Variants in DOK6 observed in about 807,000 individuals in gnomAD.
DOK6 encodes the protein downstream of tyrosine kinase 6.
Under a neutral mutation model 44.0 loss-of-function variants are expected in DOK6, and 22 were observed. The observed-to-expected ratio is 0.50, with a 90% CI of 0.36 to 0.71. The LOEUF is 0.71. Ranked by LOEUF, DOK6 falls within the 30% of genes least tolerant of loss-of-function variation. DOK6 has a pLI of 0.00. For missense variants in DOK6, 340 were observed against 416.4 expected, an observed-to-expected ratio of 0.82 and a Z score of 1.60; for synonymous variants, 166 against 145.5, an observed-to-expected ratio of 1.14 and a Z score of -1.01.
chr18:69,759,591 A>G (rs1389280628), intron 7 of DOK6, among the ~76,000 whole-genome samples: 2 of 152,190 alleles, frequency 1.3e-5, no homozygotes, highest in Non-Finnish European at 2.9e-5. Context: ...CGTTTTCTGA[A>G]GACAGAGCTA....
intron 3 of DOK6, among the ~76,000 whole-genome samples, chr18:69,620,718 A>T (rs1400409927): frequency 6.6e-6 from 1 of 152,228 alleles, no homozygotes; most frequent in East Asian, 1.9e-4. Flanking sequence ...ATAATGAATA[A>T]TCGTAAGCAT....
At chr18:69,494,167 C>T (rs1980815686) in intron 1 of DOK6, among the ~76,000 whole-genome samples, 1 of 152,200 alleles carries the variant, frequency 6.6e-6, no homozygotes, top group African/African-American at 2.4e-5. Flanking sequence ...GTTAAACCCA[C>T]TTAAGATTTT....
At chr18:69,753,121 T>C (rs1979238772) in intron 6 of DOK6, among the ~76,000 whole-genome samples, 1 of 152,178 alleles carries the variant, frequency 6.6e-6, no homozygotes, top group Admixed American at 6.5e-5. Flanking sequence ...TTCAAAAGAA[T>C]CTTCTGAAGT....
At chr18:69,817,436 G>A (rs1301119262) in intron 7 of DOK6, among the ~76,000 whole-genome samples, 2 of 152,128 alleles carry the variant, frequency 1.3e-5, no homozygotes, top group Non-Finnish European at 2.9e-5. Flanking sequence ...CAGACTGGGT[G>A]GTGTAAACAA....
At chr18:69,736,207 G>C (rs144952123) in intron 5 of DOK6, among the ~76,000 whole-genome samples, 230 of 152,296 alleles carry the variant, frequency 1.5e-3, no homozygotes, top group African/African-American at 5.1e-3. Flanking sequence ...GTAGCTACTT[G>C]AAAATTATAT....
intron 1 of DOK6, among the ~76,000 whole-genome samples, chr18:69,405,598 A>G (rs934997385): frequency 1.7e-5 from 1 of 60,074 alleles, no homozygotes; most frequent in Non-Finnish European, 3.8e-5. Flanking sequence ...TAACTAAATA[A>G]AATAAAATAA....
At position 69,823,625 on chromosome 18, in the gene DOK6, T is replaced by TTGTGTGTGTGTG. The variant is rs72248499; in HGVS notation, c.857-17597_857-17586dup. Among the ~76,000 whole-genome samples, 752 of 146,856 alleles carry TTGTGTGTGTGTG rather than the reference T, an allele frequency of 5.1e-3. 6 individuals are homozygous for TTGTGTGTGTGTG. Among genetic ancestry groups the TTGTGTGTGTGTG allele is most frequent in the Non-Finnish European group, 8.2e-3 (543 of 66,456 alleles). On this transcript the variant is annotated intron_variant, in intron 7 of 7. Coordinates refer to ENST00000382713, the MANE Select transcript of DOK6 (RefSeq NM_152721.6). ...TTAGGAGAAGGAGAAGTGTGTGTGT[T>TTGTGTGTGTGTG]TGTGTGTGTGTGTGTGTGTGTGTGT...
intron 1 of DOK6, among the ~76,000 whole-genome samples, chr18:69,551,633 A>G (rs184091704): frequency 1.4e-3 from 215 of 152,320 alleles, no homozygotes; most frequent in African/African-American, 5.0e-3. Flanking sequence ...GGTAAAACAC[A>G]TATATAGATT....
chr18:69,823,608 A>G (rs992045634), intron 7 of DOK6, among the ~76,000 whole-genome samples: 1 of 144,570 alleles, frequency 6.9e-6, no homozygotes, highest in Non-Finnish European at 1.5e-5. Flanking sequence ...CCTTAGGAGA[A>G]GGAGAAGTGT....
At chr18:69,424,018 T>A (rs1978567995) in intron 1 of DOK6, among the ~76,000 whole-genome samples, 1 of 152,214 alleles carries the variant, frequency 6.6e-6, no homozygotes, top group Non-Finnish European at 1.5e-5. Context: ...GAATGTGATT[T>A]CCTGTTTTTG....
At chr18:69,521,645 G>A (rs528716556) in intron 1 of DOK6, among the ~76,000 whole-genome samples, 12 of 152,034 alleles carry the variant, frequency 7.9e-5, no homozygotes, top group African/African-American at 2.9e-4. Flanking sequence ...GTAGAAAACA[G>A]AGTAGAGAAT....
intron 7 of DOK6, among the ~76,000 whole-genome samples, chr18:69,803,380 G>T (rs948433641): frequency 2.6e-5 from 4 of 152,030 alleles, no homozygotes; most frequent in Admixed American, 2.6e-4. Flanking sequence ...ACAACATTCA[G>T]AAAATTCTTC....
In DOK6 at chr18:69,575,408, A is replaced by G. The variant is rs372201668; in HGVS notation, c.174+10814A>G. ...ATAGAATTAAAGTTAAGGTAGGTGT[A>G]TATCAAAGCCCATGTGCAAAAGCAG... On this transcript the variant is annotated intron_variant, in intron 2 of 7. Transcript: ENST00000382713. 5.9e-5 allele frequency among the ~76,000 whole-genome samples: 9 copies of G among 152,252 alleles called. No individual in the cohort carries two copies. In the South Asian group the frequency reaches 1.9e-3, roughly 32 times the overall value.
chr18:69,401,426 C>A (rs1916097407), intron 1 of DOK6, 116 bp downstream of exon 1: 1 of 1,200,654 alleles, frequency 8.3e-7, no homozygotes, highest in Non-Finnish European at 1.1e-6. Flanking sequence ...GGGACCCGGC[C>A]CTTAGGCGGA....
chr18:69,497,539 T>C (rs1379021029), intron 1 of DOK6, among the ~76,000 whole-genome samples: 1 of 152,222 alleles, frequency 6.6e-6, no homozygotes, highest in Non-Finnish European at 1.5e-5. Flanking sequence ...GTTATTCTCC[T>C]GCTCACAGGT....
intron 7 of DOK6, among the ~76,000 whole-genome samples, chr18:69,824,459 C>T (rs1188062999): frequency 8.7e-6 from 1 of 114,908 alleles, no homozygotes; most frequent in South Asian, 2.8e-4. Context: ...TCCTCCTGCG[C>T]TCAAGCAATC....
At chr18:69,458,784 G>A (rs1431014925) in intron 1 of DOK6, among the ~76,000 whole-genome samples, 9 of 152,012 alleles carry the variant, frequency 5.9e-5, no homozygotes, top group Admixed American at 5.2e-4. Context: ...TCCCACTTAC[G>A]GTAGCCAAAA....
chr18:69,817,083 C>G (rs1282983988), intron 7 of DOK6, among the ~76,000 whole-genome samples: 1 of 152,232 alleles, frequency 6.6e-6, no homozygotes, highest in Non-Finnish European at 1.5e-5. Context: ...GAGGTGTTAT[C>G]TTTTGACTAT....
chr18:69,637,158 G>A (rs1378472205), intron 3 of DOK6, among the ~76,000 whole-genome samples: 1 of 152,086 alleles, frequency 6.6e-6, no homozygotes, highest in African/African-American at 2.4e-5. Context: ...GGTTATTCTT[G>A]TCTTCCACTT....
Sources: allele counts gnomAD v4.1 joint callset (sites outside exome capture counted in the v4.1 genomes callset), GRCh38; gene constraint gnomAD v4.1.1; transcripts MANE v1.5; gene names NCBI Gene and HGNC (gene_info 2026-07-23, HGNC 2026-07-21).